Variants in SUSD4 observed in about 807,000 individuals in gnomAD.
The protein encoded by SUSD4 is sushi domain-containing protein 4.
Under a neutral mutation model 50.5 loss-of-function variants are expected in SUSD4, and 41 were observed. The ratio of observed to expected loss-of-function variants is 0.81; its 90% CI spans 0.63 to 1.05. The LOEUF (loss-of-function observed/expected upper bound fraction) is 1.05, where lower values mean the gene tolerates loss of function less well. Among genes scored for constraint, SUSD4 ranks in the 50% least tolerant of loss-of-function variants. The pLI, the probability that SUSD4 is intolerant of heterozygous loss-of-function variation, is 0.00. For synonymous variants in SUSD4, 257 were observed against 257.3 expected (o/e 1.00, Z 0.01); for missense variants, 580 against 634.7 (o/e 0.91, Z 0.93).
At chr1:223,342,865 C>T (rs757007274) in intron 2 of SUSD4, among the ~76,000 whole-genome samples, 2 of 151,628 alleles carry the variant, frequency 1.3e-5, no homozygotes, top group Non-Finnish European at 2.9e-5. Flanking sequence ...ATGGCAGAAA[C>T]CATAGAGAAA....
At chr1:223,230,807 C>T (rs1053392567) in intron 5 of SUSD4, 1 of 152,174 alleles carries the variant, frequency 6.6e-6, no homozygotes, top group Non-Finnish European at 1.5e-5. Context: ...ACTCACCAGC[C>T]GAGTCACCCT....
At chr1:223,286,467 T>G (rs961143861) in intron 3 of SUSD4, among the ~76,000 whole-genome samples, 1 of 152,132 alleles carries the variant, frequency 6.6e-6, no homozygotes, top group African/African-American at 2.4e-5. Flanking sequence ...ACCAGGCTGG[T>G]CTAGAACTCC....
At chr1:223,336,939 T>C (rs927580575) in intron 2 of SUSD4, among the ~76,000 whole-genome samples, 3 of 152,142 alleles carry the variant, frequency 2.0e-5, no homozygotes, top group Admixed American at 2.0e-4. Flanking sequence ...CCATGGAACC[T>C]GGTGAGAGCT....
intron 5 of SUSD4, among the ~76,000 whole-genome samples, chr1:223,261,323 T>C (rs761170452): frequency 3.6e-4 from 55 of 152,266 alleles, no homozygotes; most frequent in Admixed American, 1.8e-3. Context: ...TGTTAGATTG[T>C]AATCAGAACA....
chr1:223,232,743 T>C (rs1338502250), intron 5 of SUSD4, among the ~76,000 whole-genome samples: 1 of 152,166 alleles, frequency 6.6e-6, no homozygotes, highest in Non-Finnish European at 1.5e-5. Flanking sequence ...CGGAGTGGCA[T>C]ATAGGGCCGT....
chr1:223,226,760 A>G (rs1659545948), intron 7 of SUSD4, among the ~76,000 whole-genome samples: 1 of 152,220 alleles, frequency 6.6e-6, no homozygotes, highest in Non-Finnish European at 1.5e-5. Flanking sequence ...AGACTCTGAC[A>G]TGGCCACAGA....
intron 3 of SUSD4, 120 bp downstream of exon 3, chr1:223,292,319 G>A: frequency 9.4e-7 from 1 of 1,068,166 alleles, no homozygotes; most frequent in South Asian, 1.4e-5. Flanking sequence ...TCAGCATGCA[G>A]GTGCAGCCCT....
At chr1:223,362,521 A>G (rs556738118) in intron 2 of SUSD4, among the ~76,000 whole-genome samples, 6 of 152,256 alleles carry the variant, frequency 3.9e-5, no homozygotes, top group Admixed American at 6.5e-5. Flanking sequence ...CTCTACCACA[A>G]CTAAAAGATA....
At chr1:223,281,675 A>T (rs538547456) in intron 3 of SUSD4, among the ~76,000 whole-genome samples, 67 of 152,332 alleles carry the variant, frequency 4.4e-4, no homozygotes, top group African/African-American at 1.5e-3. Flanking sequence ...AGGAGCTGGT[A>T]CCATTCCTTC....
At chr1:223,328,023 C>G (rs1386109369) in intron 2 of SUSD4, among the ~76,000 whole-genome samples, 1 of 151,954 alleles carries the variant, frequency 6.6e-6, no homozygotes, top group Non-Finnish European at 1.5e-5. Flanking sequence ...GCAACCTTTT[C>G]TTCCATACTC....
intron 2 of SUSD4, among the ~76,000 whole-genome samples, chr1:223,347,770 T>A (rs979781172): frequency 8.2e-5 from 6 of 73,266 alleles, no homozygotes; most frequent in African/African-American, 3.6e-4. Context: ...TCATACCTAC[T>A]GTAAATACTT....
Position 223,257,616 on chromosome 1 carries a change from G to C in SUSD4, c.724+7014C>G, listed in dbSNP as rs73122222. ...GCCTAAGCTCTGTATTCTATGACCAGTAATTCAAAATCAGTGGCATGAAAT... is the reference window on the plus strand; with the variant it reads ...GCCTAAGCTCTGTATTCTATGACCACTAATTCAAAATCAGTGGCATGAAAT... On this transcript the variant is annotated intron_variant, in intron 5 of 8. Transcript: ENST00000366878. Among the ~76,000 whole-genome samples, 1,064 of 152,360 alleles carry C rather than the reference G, an allele frequency of 7.0e-3. 8 individuals carry two copies. Among genetic ancestry groups the C allele is most frequent in the African/African-American group, 0.024 (987 of 41,586 alleles).
intron 5 of SUSD4, among the ~76,000 whole-genome samples, chr1:223,235,598 T>C (rs946867509): frequency 4.1e-5 from 6 of 147,694 alleles, no homozygotes; most frequent in Non-Finnish European, 7.4e-5. Flanking sequence ...AAATGTCATA[T>C]AGTTGGAATA....
chr1:223,303,519 C>G (rs1665321565), intron 2 of SUSD4, among the ~76,000 whole-genome samples: 1 of 150,128 alleles, frequency 6.7e-6, no homozygotes, highest in Admixed American at 6.6e-5. Flanking sequence ...AGTTTTTGAC[C>G]TGCAAATTGT....
At chr1:223,260,440 C>T (rs531514138) in intron 5 of SUSD4, among the ~76,000 whole-genome samples, 4 of 152,256 alleles carry the variant, frequency 2.6e-5, no homozygotes, top group Admixed American at 6.5e-5. Context: ...TTCTTGCATT[C>T]AATGTGTGCG....
At chr1:223,294,174 A>G (rs904007286) in intron 2 of SUSD4, among the ~76,000 whole-genome samples, 19 of 152,154 alleles carry the variant, frequency 1.2e-4, no homozygotes, top group African/African-American at 4.3e-4. Flanking sequence ...ACAAATATAC[A>G]TAACTCTATG....
intron 1 of SUSD4, chr1:223,363,667 C>T: frequency 2.0e-6 from 1 of 508,944 alleles, no homozygotes; most frequent in Non-Finnish European, 3.4e-6. Context: ...CCGTGGGATG[C>T]TGCGCGTGCT....
rs761575239 is a variant in SUSD4, at chr1:223,292,481, G to C, written c.319C>G (p.Leu107Val). 7 of 1,614,140 alleles carry C rather than the reference G, an allele frequency of 4.3e-6. No individual in the cohort carries two copies. The highest frequency in any genetic ancestry group is 2.2e-5 in the South Asian group (2 of 91,078). Residue 107 changes from leucine to valine, a missense_variant, in exon 3 of 9, where the codon CTA (leucine) becomes GTA (valine). Coordinates refer to ENST00000366878, the MANE Select transcript of SUSD4 (RefSeq NM_017982.4). ...GAATTATCACTTGGGATCCAGCCTAGGGTTCCATTAAAATGCTTCAAACAC... is the reference window on the plus strand; with the variant it reads ...GAATTATCACTTGGGATCCAGCCTACGGTTCCATTAAAATGCTTCAAACAC... Reference protein sequence around the residue: ...RLCLKHFNGTLGWIPSDNSIC... With the variant: ...RLCLKHFNGTVGWIPSDNSIC...
Position 223,307,211 on chromosome 1 carries a change from G to T in SUSD4, c.149-14560C>A, listed in dbSNP as rs1038520821. On this transcript the variant is annotated intron_variant, in intron 2 of 8. Transcript: ENST00000366878. ...AAGCACAAGCACTTAGACTGAAGCAGCCCAGAAGACAATGCATGGGGCAAT... is the reference window on the plus strand; with the variant it reads ...AAGCACAAGCACTTAGACTGAAGCATCCCAGAAGACAATGCATGGGGCAAT... Among the ~76,000 whole-genome samples, 198 of 152,236 alleles carry T rather than the reference G, an allele frequency of 1.3e-3. 1 individual carries two copies. The highest frequency in any genetic ancestry group is 1.5e-3 in the Non-Finnish European group (105 of 68,012).
Sources: allele counts gnomAD v4.1 joint callset (sites outside exome capture counted in the v4.1 genomes callset), GRCh38; gene constraint gnomAD v4.1.1; transcripts MANE v1.5; gene names NCBI Gene and HGNC (gene_info 2026-07-23, HGNC 2026-07-21).